The following NBAS variants were observed in gnomAD, a reference collection of about 807,000 sequenced individuals.
NBAS encodes NBAS subunit of NRZ tethering complex, also known as NAG/BC035112 fusion.
In NBAS, 219 loss-of-function variants were observed where a neutral mutation model predicts 302.5. The observed-to-expected ratio is 0.72, with a 90% CI of 0.65 to 0.81. The LOEUF (loss-of-function observed/expected upper bound fraction) is 0.81, where lower values mean the gene tolerates loss of function less well. Ranked by LOEUF, NBAS falls within the 30% of genes least tolerant of loss-of-function variation. NBAS has a pLI of 0.00. For missense variants in NBAS, 2,932 were observed against 2,841.6 expected, an observed-to-expected ratio of 1.03 and a Z score of -0.72; for synonymous variants, 1,118 against 1,021.6, an observed-to-expected ratio of 1.09 and a Z score of -1.80.
At chr2:15,526,673 AATAATGTAGTT>A (rs1194746208) in intron 9 of NBAS, among the ~76,000 whole-genome samples, 1 of 152,202 alleles carries the variant, frequency 6.6e-6, no homozygotes, top group Admixed American at 6.5e-5. Flanking sequence ...ATTCAGAAAC[AATAATGTAGTT>A]ATCCATCTCC....
chr2:15,371,334 T>C (rs371096475), intron 31 of NBAS, among the ~76,000 whole-genome samples: 26 of 152,308 alleles, frequency 1.7e-4, no homozygotes, highest in African/African-American at 3.8e-4. Context: ...TTTATAGCAG[T>C]GTGAAAACAG....
intron 44 of NBAS, among the ~76,000 whole-genome samples, chr2:15,272,031 G>A (rs1669348031): frequency 6.6e-6 from 1 of 152,084 alleles, no homozygotes; most frequent in Non-Finnish European, 1.5e-5. Flanking sequence ...CTGACTGCAG[G>A]ACATAATACT....
At chr2:14,896,291 A>T in the NBAS span, among the ~76,000 whole-genome samples, 1 of 152,166 alleles carries the variant, frequency 6.6e-6, no homozygotes, top group African/African-American at 2.4e-5. Flanking sequence ...ACGCTATGTA[A>T]TGTATTAATA....
chr2:15,358,277 T>C (rs1673719577), intron 32 of NBAS, among the ~76,000 whole-genome samples: 1 of 152,044 alleles, frequency 6.6e-6, no homozygotes, highest in African/African-American at 2.4e-5. Flanking sequence ...AAAAAATCCC[T>C]ACCGTTTTTT....
At chr2:14,838,550 G>T in the NBAS span, among the ~76,000 whole-genome samples, 1 of 151,908 alleles carries the variant, frequency 6.6e-6, no homozygotes, top group African/African-American at 2.4e-5. Flanking sequence ...TTGTGGGTCT[G>T]TTTCTATTGT....
chr2:15,496,661 G>A (rs1681085920), intron 11 of NBAS, among the ~76,000 whole-genome samples: 2 of 151,962 alleles, frequency 1.3e-5, no homozygotes. Flanking sequence ...AAGAAGGAGG[G>A]AGAGAGGGAG....
intron 40 of NBAS, 28 bp downstream of exon 40, chr2:15,308,188 T>C: frequency 6.2e-7 from 1 of 1,614,036 alleles, no homozygotes; most frequent in Non-Finnish European, 8.5e-7. Context: ...CTCTGCTCAA[T>C]AATAAGCTGG....
chr2:14,962,616 C>G, the NBAS span, among the ~76,000 whole-genome samples: 1 of 152,110 alleles, frequency 6.6e-6, no homozygotes, highest in Admixed American at 6.5e-5. Context: ...CCATCCCTTT[C>G]AAGAATTCAG....
the NBAS span, among the ~76,000 whole-genome samples, chr2:15,069,638 A>T: frequency 6.6e-6 from 1 of 152,266 alleles, no homozygotes; most frequent in East Asian, 1.9e-4. Flanking sequence ...ATTTCAAAGG[A>T]TGAAAAGCCA....
At chr2:14,784,172 T>G in the NBAS span, among the ~76,000 whole-genome samples, 1 of 152,152 alleles carries the variant, frequency 6.6e-6, no homozygotes, top group African/African-American at 2.4e-5. Flanking sequence ...GGGGTTGTTT[T>G]TTTCTTGTAA....
At chr2:14,973,136 T>C in the NBAS span, among the ~76,000 whole-genome samples, 18 of 152,200 alleles carry the variant, frequency 1.2e-4, no homozygotes, top group African/African-American at 3.1e-4. Context: ...TTAGTTATAA[T>C]GCACCTCAGC....
At chr2:14,909,766 G>T in the NBAS span, among the ~76,000 whole-genome samples, 1 of 152,174 alleles carries the variant, frequency 6.6e-6, no homozygotes, top group Non-Finnish European at 1.5e-5. Context: ...TTGCCCACTG[G>T]GTAAGAACAA....
chr2:15,016,593 G>A, the NBAS span, among the ~76,000 whole-genome samples: 254 of 149,676 alleles, frequency 1.7e-3, 6 homozygotes, highest in African/African-American at 6.1e-3. Context: ...AAATACCAAT[G>A]ACATTAGTCA....
At chr2:15,099,236 C>A in the NBAS span, among the ~76,000 whole-genome samples, 5 of 151,984 alleles carry the variant, frequency 3.3e-5, no homozygotes, top group Non-Finnish European at 7.4e-5. Context: ...GCAAAGGTTG[C>A]AGTGAGCCTA....
At chr2:15,216,049 G>C (rs1666638267) in intron 48 of NBAS, among the ~76,000 whole-genome samples, 1 of 152,106 alleles carries the variant, frequency 6.6e-6, no homozygotes, top group Admixed American at 6.5e-5. Flanking sequence ...ACAATTATAA[G>C]TCATTTTCCC....
chr2:14,993,897 C>T, the NBAS span, among the ~76,000 whole-genome samples: 1 of 152,190 alleles, frequency 6.6e-6, no homozygotes, highest in Admixed American at 6.5e-5. Context: ...GTTCCATTCA[C>T]TGTTTCAGAG....
chr2:14,910,098 A>G, the NBAS span, among the ~76,000 whole-genome samples: 2 of 152,280 alleles, frequency 1.3e-5, no homozygotes, highest in Admixed American at 6.5e-5. Flanking sequence ...TCATTTGCGT[A>G]TGAGAATTTG....
the NBAS span, among the ~76,000 whole-genome samples, chr2:15,036,120 TA>T: frequency 6.6e-6 from 1 of 152,232 alleles, no homozygotes; most frequent in Non-Finnish European, 1.5e-5. Flanking sequence ...GTATCCCTTC[TA>T]ATACTTGATA....
chr2:15,240,780 T>C (rs1166260921), intron 44 of NBAS, among the ~76,000 whole-genome samples: 1 of 152,244 alleles, frequency 6.6e-6, no homozygotes, highest in Non-Finnish European at 1.5e-5. Flanking sequence ...ACCAGATTTC[T>C]GGCTCTAAGC....
Sources: allele counts gnomAD v4.1 joint callset (sites outside exome capture counted in the v4.1 genomes callset), GRCh38; gene constraint gnomAD v4.1.1; transcripts MANE v1.5; gene names NCBI Gene and HGNC (gene_info 2026-07-23, HGNC 2026-07-21).